The following CA12 variants were observed in gnomAD, a reference collection of about 807,000 sequenced individuals.
CA12 encodes carbonic anhydrase 12, also known as carbonate dehydratase XII.
A neutral mutation model predicts 46.8 loss-of-function variants in CA12; 36 were observed. The ratio of observed to expected loss-of-function variants is 0.77; its 90% CI spans 0.59 to 1.02. The LOEUF is 1.02. Ranked by LOEUF, CA12 falls within the 50% of genes least tolerant of loss-of-function variation. CA12 has a pLI of 0.00. For synonymous variants in CA12, 202 were observed against 187.0 expected (o/e 1.08, Z -0.65); for missense variants, 436 against 451.4 (o/e 0.97, Z 0.31).
Position 63,381,779 on chromosome 15 carries a change from G to T in CA12, c.-59C>A. ...TGCCGGGGGCTCCCGGTGGCCGCTC[G>T]CTCTCCAGCTGCACACCGGGACCGC... On this transcript the variant is annotated 5_prime_UTR_variant, in exon 1 of 11. Coordinates refer to ENST00000178638, the MANE Select transcript of CA12 (RefSeq NM_001218.5). 8.2e-7 allele frequency: 1 copy of T among 1,220,770 alleles called. No individual in the cohort carries two copies. The highest frequency in any genetic ancestry group is 1.1e-6 in the Non-Finnish European group (1 of 902,102). The allele number at this position is 1,220,770 out of a possible 1,614,324, so 75.6% of individuals were successfully genotyped here.
chr15:63,333,317 C>T (rs2038959377), intron 8 of CA12, among the ~76,000 whole-genome samples: 1 of 152,252 alleles, frequency 6.6e-6, no homozygotes. Context: ...ATTGTCTTTC[C>T]TGAACATAGT....
At chr15:63,337,172 A>G (rs2152613844) in intron 8 of CA12, among the ~76,000 whole-genome samples, 1 of 152,328 alleles carries the variant, frequency 6.6e-6, no homozygotes, top group South Asian at 2.1e-4. Flanking sequence ...GGAAAGAGGG[A>G]AATGATCTTA....
At chr15:63,353,674 A>G (rs1436714194) in intron 2 of CA12, among the ~76,000 whole-genome samples, 1 of 152,116 alleles carries the variant, frequency 6.6e-6, no homozygotes, top group Non-Finnish European at 1.5e-5. Flanking sequence ...CTCTAAATCC[A>G]TCTGGAAACC....
chr15:63,331,304 C>T lies in CA12; in HGVS notation c.875-3174G>A, dbSNP rs560906575. ...CAAAGCCTGTTTCCCAGCAGAGCCT[C>T]GGCTGGGTGAGAGCGAAGCCTCTAG... On this transcript the variant is annotated intron_variant, in intron 8 of 10. Transcript: ENST00000178638. The surrounding 1 kb of genome is among the most constrained non-coding windows in gnomAD (Gnocchi z 5.3). 5.3e-5 allele frequency among the ~76,000 whole-genome samples: 8 copies of T among 152,298 alleles called. No homozygotes were observed. Among genetic ancestry groups the T allele is most frequent in the Non-Finnish European group, 1.0e-4 (7 of 68,014 alleles).
rs749344316 is a variant in CA12 at position 63,339,781 on chromosome 15, G to A, written c.747+507C>T. Among the ~76,000 whole-genome samples the A allele has an allele frequency of 2.0e-5, 3 of 152,190 alleles. No individual in the cohort carries two copies. In the South Asian group the frequency reaches 6.2e-4, roughly 31 times the overall value. ...GGTCTCAGCTTTGTCACTAACCCGC[G>A]GGTGATCCCACAGACTTCTACTCTT... is the stretch of plus-strand genomic sequence containing the variant. On this transcript the variant is annotated intron_variant, in intron 7 of 10. Coordinates refer to ENST00000178638, the MANE Select transcript of CA12 (RefSeq NM_001218.5). This position sits in a 1 kb window ranked among gnomAD's most constrained non-coding sequence, Gnocchi z 4.3.
chr15:63,369,546 G>GC (rs1459494180), intron 2 of CA12, among the ~76,000 whole-genome samples: 3 of 152,128 alleles, frequency 2.0e-5, no homozygotes, highest in Non-Finnish European at 2.9e-5. Flanking sequence ...TCTGGGCCCC[G>GC]CCCCCCAGAG....
Position 63,378,256 on chromosome 15 carries a change from C to T in CA12, c.86-2578G>A, listed in dbSNP as rs536861974. 4.6e-5 allele frequency among the ~76,000 whole-genome samples: 7 copies of T among 152,206 alleles called. No individual in the cohort carries two copies. In the South Asian group the frequency reaches 6.2e-4, roughly 14 times the overall value. ...TACAAAAATTAGGCAGGCGTGGTGG[C>T]GGGTGCCTGTAATCCCAGCTGCTGG... On this transcript the variant is annotated intron_variant, in intron 1 of 10. Transcript: ENST00000178638. The surrounding 1 kb of genome is among the most constrained non-coding windows in gnomAD (Gnocchi z 4.8).
intron 2 of CA12, among the ~76,000 whole-genome samples, chr15:63,361,359 C>T (rs904425864): frequency 2.0e-5 from 3 of 152,216 alleles, no homozygotes; most frequent in African/African-American, 7.2e-5. Flanking sequence ...GCTGTTGCCC[C>T]ACCTGTGATG....
chr15:63,371,152 G>A (rs1031633676), intron 2 of CA12, among the ~76,000 whole-genome samples: 1 of 152,190 alleles, frequency 6.6e-6, no homozygotes, highest in Non-Finnish European at 1.5e-5. Flanking sequence ...GAGGGTGTCT[G>A]GAGCCCCAAG....
intron 2 of CA12, among the ~76,000 whole-genome samples, chr15:63,365,825 T>C (rs2152624617): frequency 6.6e-6 from 1 of 152,260 alleles, no homozygotes; most frequent in South Asian, 2.1e-4. Context: ...AATCCCAGTT[T>C]GTCAGTGTTC....
chr15:63,371,831 A>G (rs996435876), intron 2 of CA12, among the ~76,000 whole-genome samples: 7 of 38,998 alleles, frequency 1.8e-4, no homozygotes, highest in Non-Finnish European at 3.6e-4. Flanking sequence ...TTTTGAACAC[A>G]CTAGGGTTTT....
In CA12 at chr15:63,355,652, A is replaced by G. The variant is rs2039285688; in HGVS notation, c.107-8943T>C. ...TGAAGTGTTCAACAAACAGCTCTTG[A>G]ACTAAGCAACAAACAACAGCAAACC... On this transcript the variant is annotated intron_variant, in intron 2 of 10. Coordinates refer to ENST00000178638, the MANE Select transcript of CA12 (RefSeq NM_001218.5). This position sits in a 1 kb window ranked among gnomAD's most constrained non-coding sequence, Gnocchi z 4.1. Among the ~76,000 whole-genome samples the G allele has an allele frequency of 1.3e-5, 2 of 152,190 alleles. No individual in the cohort carries two copies. The highest frequency in any genetic ancestry group is 2.9e-5 in the Non-Finnish European group (2 of 68,024).
At chr15:63,379,549 G>T (rs146514187) in intron 1 of CA12, among the ~76,000 whole-genome samples, 1 of 152,204 alleles carries the variant, frequency 6.6e-6, no homozygotes, top group African/African-American at 2.4e-5. Context: ...TCCTGGAGGG[G>T]AATAGTTTCC....
chr15:63,349,127 C>A (rs571333670), intron 2 of CA12, among the ~76,000 whole-genome samples: 1 of 152,272 alleles, frequency 6.6e-6, no homozygotes, highest in African/African-American at 2.4e-5. Context: ...GCTGGAGCCT[C>A]CATTGCCCTT....
chr15:63,337,443 T>G (rs780782929), intron 8 of CA12, among the ~76,000 whole-genome samples: 5 of 151,972 alleles, frequency 3.3e-5, no homozygotes, highest in Middle Eastern at 3.4e-3. Flanking sequence ...GGTTAACGGG[T>G]TTCTTTTGTT....
At chr15:63,334,971 A>G (rs547507061) in intron 8 of CA12, among the ~76,000 whole-genome samples, 1 of 152,222 alleles carries the variant, frequency 6.6e-6, no homozygotes, top group Non-Finnish European at 1.5e-5. Context: ...AACAATGAAG[A>G]CCAGGGCATG....
chr15:63,342,194 C>CCAGGCCCCT, intron 4 of CA12, 97 bp from the exon 5 acceptor site: 1 of 795,024 alleles, frequency 1.3e-6, no homozygotes, highest in Non-Finnish European at 2.2e-6. Flanking sequence ...GGACAGAACC[C>CCAGGCCCCT]CAGCCCCCTC....
rs116078141 is a variant in CA12 at position 63,374,098 on chromosome 15, A to T, written c.106+1560T>A. Reference sequence around the variant, plus strand: ...CCAAGTAACTCTTCCTAAAACACAGACTTACTCCCTGCCCTGCCCCTCCAG... The same window carrying T: ...CCAAGTAACTCTTCCTAAAACACAGTCTTACTCCCTGCCCTGCCCCTCCAG... On this transcript the variant is annotated intron_variant, in intron 2 of 10. Transcript: ENST00000178638. This position sits in a 1 kb window ranked among gnomAD's most constrained non-coding sequence, Gnocchi z 4.4. Among the ~76,000 whole-genome samples the T allele has an allele frequency of 7.3e-3, 1,112 of 151,680 alleles. 15 individuals are homozygous for T. Among genetic ancestry groups the T allele is most frequent in the African/African-American group, 0.025 (1,036 of 41,304 alleles).
chr15:63,341,873 G>T lies in CA12; in HGVS notation c.525+129C>A. ...GGTGCACTACAGGAGGATACCCCCT[G>T]CTCTGGAGTTGACACGGAGTCGATA... On this transcript the variant is annotated intron_variant, in intron 5 of 10. Transcript: ENST00000178638. This position sits in a 1 kb window ranked among gnomAD's most constrained non-coding sequence, Gnocchi z 5.2. The T allele has an allele frequency of 1.4e-6, 1 of 719,936 alleles. No homozygotes were observed. 44.6% of individuals were successfully genotyped at this position (719,936 alleles called of 1,614,324 possible). A position where few individuals can be genotyped will look rare whatever the true frequency, so the allele number is the denominator to read the frequency against.
Sources: allele counts gnomAD v4.1 joint callset (sites outside exome capture counted in the v4.1 genomes callset), GRCh38; gene constraint gnomAD v4.1.1; non-coding constraint Gnocchi (gnomAD v3.1); transcripts MANE v1.5; gene names NCBI Gene and HGNC (gene_info 2026-07-23, HGNC 2026-07-21).